DTHD1: variants seen among roughly 807,000 people sequenced by gnomAD.
DTHD1 encodes the protein death domain-containing protein 1.
A neutral mutation model predicts 74.8 loss-of-function variants in DTHD1; 59 were observed. That is an observed-to-expected ratio of 0.79 (90% CI 0.64 to 0.98). DTHD1 has a LOEUF of 0.98. Ranked by LOEUF, DTHD1 falls within the 50% of genes least tolerant of loss-of-function variation. The probability of loss-of-function intolerance (pLI) is 0.00; values close to 1 mark genes in which losing one functional copy is unlikely to be tolerated. For missense variants in DTHD1, 1,051 were observed against 1,065.4 expected (o/e 0.99, Z 0.19); for synonymous variants, 365 against 371.1 (o/e 0.98, Z 0.19).
chr4:36,335,672 A>C (rs1758970830), intron 8 of DTHD1, among the ~76,000 whole-genome samples: 1 of 152,210 alleles, frequency 6.6e-6, no homozygotes, highest in Non-Finnish European at 1.5e-5. Context: ...TGGATCTTGG[A>C]GCACTGAAAA....
At chr4:36,311,766 T>A (rs1757424507) in intron 7 of DTHD1, 1 of 152,122 alleles carries the variant, frequency 6.6e-6, no homozygotes, top group Admixed American at 6.5e-5. Flanking sequence ...AGGGCAGCAT[T>A]CAGTCCCCAG....
chr4:36,297,133 G>A (rs1306533426), intron 5 of DTHD1, among the ~76,000 whole-genome samples: 1 of 152,176 alleles, frequency 6.6e-6, no homozygotes, highest in South Asian at 2.1e-4. Context: ...TCTTCATGTT[G>A]AGTAGGCTGA....
chr4:36,300,067 T>A (rs1210908924), intron 5 of DTHD1, among the ~76,000 whole-genome samples: 2 of 152,200 alleles, frequency 1.3e-5, no homozygotes, highest in African/African-American at 2.4e-5. Context: ...TTTATTAAAC[T>A]TTTCATATAT....
At chr4:36,299,803 A>T (rs1756652339) in intron 5 of DTHD1, among the ~76,000 whole-genome samples, 1 of 152,086 alleles carries the variant, frequency 6.6e-6, no homozygotes, top group East Asian at 1.9e-4. Flanking sequence ...TGTACTTTTA[A>T]TCTATTATTT....
At chr4:36,289,356 A>G (rs1307923709) in intron 2 of DTHD1, among the ~76,000 whole-genome samples, 5 of 152,156 alleles carry the variant, frequency 3.3e-5, no homozygotes, top group Non-Finnish European at 7.4e-5. Flanking sequence ...GTTATGAATT[A>G]GATATTAGTT....
intron 8 of DTHD1, among the ~76,000 whole-genome samples, chr4:36,324,218 G>T (rs1332401619): frequency 2.1e-5 from 3 of 145,162 alleles, no homozygotes; most frequent in Non-Finnish European, 3.0e-5. Flanking sequence ...CTCTTCCTCT[G>T]CACCTTCTTT....
rs933188213 is a variant in DTHD1 at position 36,345,819 on chromosome 4, T to A, written c.*1995T>A. The stretch of plus-strand genomic sequence containing the variant: ...CATAATTTCTTCTAGTTTTTCTTTT[T>A]TTCTGGAAGAAAATATTTCTATTTC... On this transcript the variant is annotated 3_prime_UTR_variant, in exon 10 of 10. Transcript: ENST00000639862. The A allele has an allele frequency of 6.6e-6, 1 of 152,218 alleles. No homozygotes were observed. The highest frequency in any genetic ancestry group is 1.5e-5 in the Non-Finnish European group (1 of 68,036). 9.4% of individuals were successfully genotyped at this position (152,218 alleles called of 1,614,324 possible).
intron 5 of DTHD1, among the ~76,000 whole-genome samples, chr4:36,305,948 T>G (rs1377074026): frequency 6.6e-6 from 1 of 152,202 alleles, no homozygotes; most frequent in African/African-American, 2.4e-5. Context: ...CCCTGTACGT[T>G]TCTTTAATTA....
rs777595338 is a variant in DTHD1 at position 36,308,497 on chromosome 4, A to G, written c.2095+4A>G. On this transcript the variant is annotated splice_donor_region_variant and intron_variant, in intron 7 of 9. Coordinates refer to ENST00000639862, the MANE Select transcript of DTHD1 (RefSeq NM_001170700.3). ...ACTGGAAACATATTTGCTTCAAGTA[A>G]GTATAAAGAAATCTTTTTATATATT... The G allele has an allele frequency of 6.5e-7, 1 of 1,539,164 alleles. No individual in the cohort carries two copies. The highest frequency in any genetic ancestry group is 1.2e-5 in the South Asian group (1 of 82,366).
chr4:36,318,554 G>T (rs375498881), intron 8 of DTHD1, among the ~76,000 whole-genome samples: 4 of 151,772 alleles, frequency 2.6e-5, no homozygotes, highest in African/African-American at 9.7e-5. Context: ...TGACAGTATA[G>T]CCAGCCAATC....
chr4:36,339,089 T>C (rs1009023141), intron 8 of DTHD1, 23 bp from the exon 9 acceptor site: 2 of 1,532,584 alleles, frequency 1.3e-6, no homozygotes, highest in Admixed American at 2.0e-5. Context: ...TTCTGTTTAT[T>C]TTGTGTTCCT....
chr4:36,313,416 GGA>G (rs1757512534), intron 7 of DTHD1, among the ~76,000 whole-genome samples: 1 of 25,600 alleles, frequency 3.9e-5, no homozygotes, highest in South Asian at 7.6e-4. Flanking sequence ...CAGTGAGGGA[GGA>G]AAAAAAAAAA....
chr4:36,320,773 A>T (rs1757995920), intron 8 of DTHD1, among the ~76,000 whole-genome samples: 1 of 152,232 alleles, frequency 6.6e-6, no homozygotes, highest in Non-Finnish European at 1.5e-5. Flanking sequence ...ACTAAGCAGT[A>T]TTAGAATGTG....
intron 4 of DTHD1, 82 bp from the exon 5 acceptor site, chr4:36,294,711 ATT>A: frequency 7.4e-7 from 1 of 1,347,864 alleles, no homozygotes; most frequent in Non-Finnish European, 9.7e-7. Context: ...GCTGCATAGA[ATT>A]TTCAAAAAAC....
intron 8 of DTHD1, among the ~76,000 whole-genome samples, chr4:36,328,774 T>C (rs776673416): frequency 1.3e-5 from 2 of 152,212 alleles, no homozygotes; most frequent in Non-Finnish European, 2.9e-5. Context: ...ATAAAATTAG[T>C]AATTACTACA....
chr4:36,314,757 T>TG lies in DTHD1; in HGVS notation c.2096-1485_2096-1484insG, dbSNP rs1757614251. The stretch of plus-strand genomic sequence containing the variant: ...CTTTAAACAATCTGAGTTTTTTTTT[T>TG]TTTTTTTTTTTTTGCATGCAAATTC... On this transcript the variant is annotated intron_variant, in intron 7 of 9. Coordinates refer to ENST00000639862, the MANE Select transcript of DTHD1 (RefSeq NM_001170700.3). Among the ~76,000 whole-genome samples the TG allele has an allele frequency of 2.2e-5, 3 of 137,392 alleles. No homozygotes were observed. The South Asian group carries it at 7.0e-4, about 32-fold the overall frequency. The allele number at this position is 137,392 out of a possible 152,430, so 90.1% of individuals were successfully genotyped here.
chr4:36,295,003 C>T lies in DTHD1; in HGVS notation c.1607C>T (p.Ala536Val). The change falls in exon 5 of 10, where the codon GCC (alanine) becomes GTC (valine). Residue 536 changes from alanine to valine, a missense_variant. Ala to Val is a moderately conservative substitution (Grantham distance 64). Transcript: ENST00000639862. ...ATAGATCATAAAAGAAGAGCAAGTG[C>T]CACAATAAATAGGATTACACCTTCG... ...SEIDHKRRAS[A>V]TINRITPSYF... The T allele has an allele frequency of 6.5e-7, 1 of 1,550,376 alleles. No individual in the cohort carries two copies. Among genetic ancestry groups the T allele is most frequent in the Non-Finnish European group, 8.7e-7 (1 of 1,145,944 alleles).
At chr4:36,310,685 G>C (rs1757346593) in intron 7 of DTHD1, among the ~76,000 whole-genome samples, 1 of 152,114 alleles carries the variant, frequency 6.6e-6, no homozygotes, top group Admixed American at 6.5e-5. Context: ...TCAAAAAAGG[G>C]ACAAGGCTTG....
intron 8 of DTHD1, among the ~76,000 whole-genome samples, chr4:36,329,532 A>AC (rs1758547489): frequency 1.3e-5 from 2 of 152,132 alleles, no homozygotes; most frequent in African/African-American, 2.4e-5. Flanking sequence ...TATCATTCAT[A>AC]CCCCCTAAAA....
Sources: gnomAD v4.1 joint callset for allele counts (sites outside exome capture counted in the v4.1 genomes callset) on GRCh38, gnomAD v4.1.1 for gene constraint, MANE v1.5 for transcripts, NCBI Gene and HGNC (gene_info 2026-07-23, HGNC 2026-07-21) for gene names.